CDK14: variants seen among roughly 807,000 people sequenced by gnomAD.
CDK14 encodes the protein cyclin-dependent kinase 14.
A neutral mutation model predicts 60.7 loss-of-function variants in CDK14; 34 were observed. That is an observed-to-expected ratio of 0.56 (90% CI 0.43 to 0.75). The LOEUF (loss-of-function observed/expected upper bound fraction) is 0.75. CDK14 is among the 30% of genes least tolerant of loss of function. The pLI is 0.00. For missense variants in CDK14, 482 were observed against 564.1 expected (o/e 0.85, Z 1.47); for synonymous variants, 197 against 203.7 (o/e 0.97, Z 0.28).
chr7:91,014,725 G>C (rs887517684), intron 10 of CDK14, among the ~76,000 whole-genome samples: 11 of 152,132 alleles, frequency 7.2e-5, no homozygotes, highest in Non-Finnish European at 1.5e-4. Context: ...TATGTGTATT[G>C]TTACTAATAG....
intron 10 of CDK14, among the ~76,000 whole-genome samples, chr7:91,007,741 A>G (rs990463526): frequency 6.6e-6 from 1 of 152,086 alleles, no homozygotes; most frequent in Middle Eastern, 3.4e-3. Context: ...TTTTTTCTGT[A>G]TAGACAATAT....
At chr7:90,750,188 ACACACACACACAC>A (rs1562752150) in intron 4 of CDK14, among the ~76,000 whole-genome samples, 96 of 150,134 alleles carry the variant, frequency 6.4e-4, no homozygotes, top group Middle Eastern at 3.4e-3. Context: ...ACACACACAC[ACACACACACACAC>A]CAATAATATT....
At chr7:90,864,539 A>G (rs1002058546) in intron 6 of CDK14, among the ~76,000 whole-genome samples, 5 of 152,156 alleles carry the variant, frequency 3.3e-5, no homozygotes, top group Non-Finnish European at 7.4e-5. Flanking sequence ...TCAAAAATGT[A>G]CTTATTCTGT....
intron 5 of CDK14, among the ~76,000 whole-genome samples, chr7:90,844,357 C>G (rs1475926654): frequency 6.6e-6 from 1 of 152,124 alleles, no homozygotes; most frequent in Non-Finnish European, 1.5e-5. Flanking sequence ...ACTTTTTAGT[C>G]TACAAAATGT....
chr7:90,929,484 A>T (rs940461671), intron 8 of CDK14, among the ~76,000 whole-genome samples: 1 of 152,206 alleles, frequency 6.6e-6, no homozygotes, highest in Non-Finnish European at 1.5e-5. Flanking sequence ...AATGTTAACA[A>T]CTTTTTGTTG....
At chr7:90,731,029 A>G (rs1802841593) in intron 3 of CDK14, among the ~76,000 whole-genome samples, 1 of 152,162 alleles carries the variant, frequency 6.6e-6, no homozygotes, top group Non-Finnish European at 1.5e-5. Context: ...TTAATTTTGT[A>G]TAAGGTGTAA....
chr7:90,614,759 T>C (rs1799615445), intron 2 of CDK14, among the ~76,000 whole-genome samples: 1 of 152,232 alleles, frequency 6.6e-6, no homozygotes, highest in Non-Finnish European at 1.5e-5. Flanking sequence ...TCTTTTAGTT[T>C]TATTTTATTA....
chr7:90,862,515 C>G lies in CDK14; in HGVS notation c.545-660C>G, dbSNP rs112587372. ...ACTTTTATAATACAAAAAGCAAAAA[C>G]AAGCAGAACTCAAATGAGTAATTGA... On this transcript the variant is annotated intron_variant, in intron 5 of 14. Coordinates refer to ENST00000380050, the MANE Select transcript of CDK14 (RefSeq NM_001287135.2). Among the ~76,000 whole-genome samples the G allele has an allele frequency of 6.6e-3, 1,008 of 152,202 alleles. 4 individuals carry two copies. Among genetic ancestry groups the G allele is most frequent in the Non-Finnish European group, 0.011 (750 of 68,008 alleles).
intron 11 of CDK14, among the ~76,000 whole-genome samples, chr7:91,060,526 C>T (rs1465230282): frequency 6.6e-6 from 1 of 152,190 alleles, no homozygotes; most frequent in Non-Finnish European, 1.5e-5. Flanking sequence ...CATGTTTTTG[C>T]AGTGGCTGGT....
chr7:91,192,660 G>A (rs1365540629), intron 14 of CDK14, among the ~76,000 whole-genome samples: 9 of 152,096 alleles, frequency 5.9e-5, no homozygotes, highest in East Asian at 1.9e-4. Flanking sequence ...TTATTTTCAC[G>A]TACTAAATAA....
intron 8 of CDK14, among the ~76,000 whole-genome samples, chr7:90,923,071 T>C (rs947933676): frequency 6.6e-6 from 1 of 151,922 alleles, no homozygotes; most frequent in Admixed American, 6.6e-5. Context: ...GTCATTGATA[T>C]AGTATCATTG....
chr7:91,013,113 T>A (rs116309324), intron 10 of CDK14, among the ~76,000 whole-genome samples: 15 of 152,312 alleles, frequency 9.8e-5, no homozygotes, highest in African/African-American at 3.6e-4. Context: ...AGGCAACAGG[T>A]TATCACTACT....
intron 14 of CDK14, among the ~76,000 whole-genome samples, chr7:91,132,391 C>T (rs771619836): frequency 2.6e-5 from 4 of 152,128 alleles, no homozygotes; most frequent in East Asian, 3.9e-4. Context: ...CTGGGAGATA[C>T]GGAGTGAGAA....
intron 2 of CDK14, among the ~76,000 whole-genome samples, chr7:90,653,203 C>A (rs1486885194): frequency 6.6e-6 from 1 of 152,076 alleles, no homozygotes; most frequent in Non-Finnish European, 1.5e-5. Flanking sequence ...CCCCCAGCCC[C>A]ACTTAGGCTT....
chr7:91,119,699 C>T (rs1488417870), intron 14 of CDK14, among the ~76,000 whole-genome samples: 1 of 152,066 alleles, frequency 6.6e-6, no homozygotes, highest in Non-Finnish European at 1.5e-5. Context: ...CTTTTGAATA[C>T]CCTCAACATA....
intron 5 of CDK14, among the ~76,000 whole-genome samples, chr7:90,823,378 C>T (rs747427500): frequency 1.3e-5 from 2 of 152,120 alleles, no homozygotes; most frequent in African/African-American, 4.8e-5. Context: ...AATAATTTCC[C>T]ATTGAATCTT....
intron 5 of CDK14, among the ~76,000 whole-genome samples, chr7:90,857,404 T>C (rs541223431): frequency 3.3e-5 from 5 of 152,272 alleles, no homozygotes; most frequent in South Asian, 4.1e-4. Context: ...TATGAGCAAA[T>C]GTTTTTCTGT....
intron 2 of CDK14, among the ~76,000 whole-genome samples, chr7:90,669,407 A>C (rs1801054258): frequency 1.3e-5 from 2 of 152,170 alleles, no homozygotes; most frequent in Admixed American, 6.5e-5. Flanking sequence ...AATTGCAGTG[A>C]TTTGGCCAAT....
chr7:90,851,796 C>T (rs1790653891), intron 5 of CDK14, among the ~76,000 whole-genome samples: 1 of 151,508 alleles, frequency 6.6e-6, no homozygotes. Flanking sequence ...ATTATTATGA[C>T]AATTTGAAGT....
Sources: gnomAD v4.1 joint callset for allele counts (sites outside exome capture counted in the v4.1 genomes callset) on GRCh38, gnomAD v4.1.1 for gene constraint, MANE v1.5 for transcripts, NCBI Gene and HGNC (gene_info 2026-07-23, HGNC 2026-07-21) for gene names.